The following ENAM variants were observed in gnomAD, a reference collection of about 807,000 sequenced individuals.
ENAM encodes the protein amelogenesis imperfecta 2, hypocalcification (autosomal dominant).
A neutral mutation model predicts 33.6 loss-of-function variants in ENAM; 21 were observed. The observed-to-expected ratio is 0.63, with a 90% CI of 0.44 to 0.90. ENAM has a LOEUF of 0.90. Among genes scored for constraint, ENAM ranks in the 40% least tolerant of loss-of-function variants. The pLI is 0.00. For synonymous variants in ENAM, 473 were observed against 468.4 expected (o/e 1.01, Z -0.13); for missense variants, 1,388 against 1,366.9 (o/e 1.02, Z -0.24).
rs1331534487 is a variant in ENAM at position 70,632,531 on chromosome 4, A to G, written c.169-120A>G. The G allele has an allele frequency of 5.0e-6, 4 of 802,396 alleles. No homozygotes were observed. In the East Asian group the frequency reaches 9.8e-5, roughly 20 times the overall value. 49.7% of individuals were successfully genotyped at this position (802,396 alleles called of 1,614,324 possible). ...TGACTGTTGTGCATTAAAATCAGAAATTTTTACACTGGGAAGTTCTAAGGT... is the reference window on the plus strand; with the variant it reads ...TGACTGTTGTGCATTAAAATCAGAAGTTTTTACACTGGGAAGTTCTAAGGT... On this transcript the variant is annotated intron_variant, in intron 4 of 8. Transcript: ENST00000396073.
At position 70,642,750 on chromosome 4, in the gene ENAM, G is replaced by A. The variant is rs189446150; in HGVS notation, c.1324G>A (p.Gly442Ser). ...KIQNPKEKPL[G>S]PKEQIIVPTK... ...CCAAAATCCAAAGGAGAAGCCCCTG[G>A]GTCCAAAAGAACAAATAATAGTTCC... The change falls in exon 9 of 9, where the codon GGT becomes AGT. Residue 442 changes from glycine to serine, a missense_variant. Transcript: ENST00000396073. 37 of 1,609,174 alleles carry A rather than the reference G, an allele frequency of 2.3e-5. No homozygotes were observed. In the Admixed American group the frequency reaches 5.3e-4, roughly 23 times the overall value.
chr4:70,643,264 C>T lies in ENAM; in HGVS notation c.1838C>T (p.Pro613Leu), dbSNP rs1336683072. 3 of 1,613,978 alleles carry T rather than the reference C, an allele frequency of 1.9e-6. No individual in the cohort carries two copies. The highest frequency in any genetic ancestry group is 1.3e-5 in the African/African-American group (1 of 75,012). The change falls in exon 9 of 9, where the codon CCA (proline) becomes CTA (leucine). Residue 613 changes from proline (P) to leucine (L), a missense_variant. Physicochemically the swap from Pro to Leu is moderately conservative, Grantham distance 98 (BLOSUM62 -3). Coordinates refer to ENST00000396073, the MANE Select transcript of ENAM (RefSeq NM_031889.3). ...CCATATGATCCCAGGGAAAACTCAC[C>T]ATACCTTAGAGGCAATACATGGGAT... is the stretch of plus-strand genomic sequence containing the variant. ...YNPYDPRENS[P>L]YLRGNTWDER...
chr4:70,634,233 G>C, intron 5 of ENAM, 75 bp from the exon 6 acceptor site: 1 of 1,459,122 alleles, frequency 6.9e-7, no homozygotes, highest in South Asian at 1.1e-5. Context: ...GAGTTTTAGA[G>C]GCTGACATTA....
chr4:70,631,370 A>C lies in ENAM; in HGVS notation c.55-300A>C, dbSNP rs12108539. ...AATTTTCACATTCTGGTGCTATGATATCTCTCTCTTTCTCTCTCTCTCTGT... is the reference window on the plus strand; with the variant it reads ...AATTTTCACATTCTGGTGCTATGATCTCTCTCTCTTTCTCTCTCTCTCTGT... On this transcript the variant is annotated intron_variant, in intron 2 of 8. Transcript: ENST00000396073. Among the ~76,000 whole-genome samples the C allele has an allele frequency of 0.081, 12,253 of 151,572 alleles. 812 individuals are homozygous for C. The highest frequency in any genetic ancestry group is 0.18 in the African/African-American group (7,501 of 41,340).
intron 8 of ENAM, among the ~76,000 whole-genome samples, chr4:70,641,809 G>C (rs1401924814): frequency 1.3e-5 from 2 of 152,094 alleles, no homozygotes; most frequent in Non-Finnish European, 1.5e-5. Flanking sequence ...CTGAGCAGTG[G>C]TCAGAAAAAA....
At chr4:70,639,447 G>C (rs534585912) in intron 8 of ENAM, among the ~76,000 whole-genome samples, 8 of 151,894 alleles carry the variant, frequency 5.3e-5, no homozygotes, top group Non-Finnish European at 1.2e-4. Context: ...AAAATTAGCC[G>C]GGTATGGTGG....
At chr4:70,631,985 T>C (rs1021919977) in intron 4 of ENAM, 92 bp downstream of exon 4, 2 of 1,104,108 alleles carry the variant, frequency 1.8e-6, no homozygotes, top group Admixed American at 3.4e-5. Flanking sequence ...GTCTCATATA[T>C]AATATTTCTT....
In ENAM at chr4:70,646,383, C is replaced by T. The variant is rs141963911; in HGVS notation, c.*1528C>T. 10 of 152,256 alleles carry T rather than the reference C, an allele frequency of 6.6e-5. No individual in the cohort carries two copies. In the East Asian group the frequency reaches 1.9e-3, roughly 29 times the overall value. The allele number at this position is 152,256 out of a possible 1,614,324, so 9.4% of individuals were successfully genotyped here. A position where few individuals can be genotyped will look rare whatever the true frequency, so the allele number is the denominator to read the frequency against. On this transcript the variant is annotated 3_prime_UTR_variant, in exon 9 of 9. Coordinates refer to ENST00000396073, the MANE Select transcript of ENAM (RefSeq NM_031889.3). ...ACATCTTCAGGGGCAGATTTCATAA[C>T]AACATCTCAAAAATTTGGGGAAACA... is the stretch of plus-strand genomic sequence containing the variant.
Position 70,629,467 on chromosome 4 carries a change from T to C in ENAM, c.-34T>C. ...TTCTTCTCAGGTTAAAGCTGTATTTTTCTTAAAGGCTTATAAAAATTTTGC... is the reference window on the plus strand; with the variant it reads ...TTCTTCTCAGGTTAAAGCTGTATTTCTCTTAAAGGCTTATAAAAATTTTGC... On this transcript the variant is annotated 5_prime_UTR_variant, in exon 2 of 9. Transcript: ENST00000396073. The C allele has an allele frequency of 6.4e-7, 1 of 1,565,552 alleles. No homozygotes were observed. The highest frequency in any genetic ancestry group is 1.1e-5 in the South Asian group (1 of 90,128).
At position 70,644,910 on chromosome 4, in the gene ENAM, A is replaced by G; in HGVS notation, c.*55A>G. On this transcript the variant is annotated 3_prime_UTR_variant, in exon 9 of 9. Transcript: ENST00000396073. ...AGAGAAATCACTGACATTCTATACC[A>G]ATGGTTCCCAAAATTTTTTCCCCAA... 1 of 1,496,162 alleles carries G rather than the reference A, an allele frequency of 6.7e-7. No individual in the cohort carries two copies. Among genetic ancestry groups the G allele is most frequent in the Non-Finnish European group, 9.3e-7 (1 of 1,075,268 alleles). The allele number at this position is 1,496,162 out of a possible 1,614,324, so 92.7% of individuals were successfully genotyped here.
Position 70,632,632 on chromosome 4 carries a change from T to G in ENAM, c.169-19T>G, listed in dbSNP as rs760692023. The G allele has an allele frequency of 6.4e-6, 10 of 1,560,812 alleles. No homozygotes were observed. The South Asian group carries it at 1.1e-4, about 17-fold the overall frequency. ...AAAGTTTCACTTTGTATCACATTAA[T>G]GGATTCCTTTGGTTGCAGATGATGC... On this transcript the variant is annotated intron_variant, in intron 4 of 8. Transcript: ENST00000396073.
chr4:70,644,094 C>G lies in ENAM; in HGVS notation c.2668C>G (p.Gln890Glu). ...TGPKDNPLAL[Q>E]DYTPSYGLAP... is the part of the protein sequence containing the mutation. The stretch of plus-strand genomic sequence containing the variant: ...GCCCAAGGACAATCCACTAGCTCTA[C>G]AAGACTACACTCCATCCTATGGTCT... The change falls in exon 9 of 9, where the codon CAA becomes GAA. Residue 890 changes from glutamine to glutamate, a missense_variant. Coordinates refer to ENST00000396073, the MANE Select transcript of ENAM (RefSeq NM_031889.3). 6.2e-7 allele frequency: 1 copy of G among 1,614,096 alleles called. No individual in the cohort carries two copies. Among genetic ancestry groups the G allele is most frequent in the Non-Finnish European group, 8.5e-7 (1 of 1,179,988 alleles).
In ENAM at chr4:70,634,309, TGG is replaced by T. The variant is rs1456006797; in HGVS notation, c.213_214del (p.Met71IlefsTer43). Reference sequence around the variant, plus strand: ...CACTATTATTTGCTACCCTTTCAGATGGCACACCTGGGGCCCTTCTTTGGAAA... The same window carrying T: ...CACTATTATTTGCTACCCTTTCAGATCACACCTGGGGCCCTTCTTTGGAAA... On this transcript the variant is annotated frameshift_variant and splice_region_variant, in exon 6 of 9. Coordinates refer to ENST00000396073, the MANE Select transcript of ENAM (RefSeq NM_031889.3). LOFTEE classifies it high-confidence loss of function. The T allele has an allele frequency of 1.9e-6, 3 of 1,613,922 alleles. No individual in the cohort carries two copies. Among genetic ancestry groups the T allele is most frequent in the Non-Finnish European group, 2.5e-6 (3 of 1,179,930 alleles).
At chr4:70,640,309 C>A (rs1257131370) in intron 8 of ENAM, among the ~76,000 whole-genome samples, 2 of 152,126 alleles carry the variant, frequency 1.3e-5, no homozygotes, top group East Asian at 3.9e-4. Context: ...GGAATAGGAC[C>A]TAATTCTGCC....
At position 70,631,745 on chromosome 4, in the gene ENAM, A is replaced by G. The variant is rs1450803916; in HGVS notation, c.123+7A>G. 1 of 1,612,246 alleles carries G rather than the reference A, an allele frequency of 6.2e-7. No individual in the cohort carries two copies. The highest frequency in any genetic ancestry group is 8.5e-7 in the Non-Finnish European group (1 of 1,178,426). On this transcript the variant is annotated splice_region_variant and intron_variant, in intron 3 of 8. Coordinates refer to ENST00000396073, the MANE Select transcript of ENAM (RefSeq NM_031889.3). ...TAATTCTGTTGCTATGCCAGTGAGTATTTTTTAAATGTTAGCTCTTCTCTT... is the reference window on the plus strand; with the variant it reads ...TAATTCTGTTGCTATGCCAGTGAGTGTTTTTTAAATGTTAGCTCTTCTCTT...
In ENAM at chr4:70,642,871, T is replaced by C. The variant is rs1395104794; in HGVS notation, c.1445T>C (p.Val482Ala). The change falls in exon 9 of 9, where the codon GTC becomes GCC. Residue 482 changes from valine to alanine, a missense_variant. Transcript: ENST00000396073. ...CCTCACTCTGAGGGTTATATGCCAGTCCCAAATTTTAATTCTGTTGATCAA... is the reference window on the plus strand; with the variant it reads ...CCTCACTCTGAGGGTTATATGCCAGCCCCAAATTTTAATTCTGTTGATCAA... The part of the protein sequence containing the change: ...KLPHSEGYMP[V>A]PNFNSVDQHE... 6.2e-7 allele frequency: 1 copy of C among 1,613,722 alleles called. No homozygotes were observed. The highest frequency in any genetic ancestry group is 1.7e-5 in the Admixed American group (1 of 59,984).
chr4:70,640,321 A>ATGGAAGTCAAGACACAGAAGG (rs1311130327), intron 8 of ENAM, among the ~76,000 whole-genome samples: 2 of 152,242 alleles, frequency 1.3e-5, no homozygotes, highest in Non-Finnish European at 2.9e-5. Flanking sequence ...AATTCTGCCC[A>ATGGAAGTCAAGACACAGAAGG]TGGAAGTCAA....
chr4:70,641,640 G>A (rs936031279), intron 8 of ENAM, among the ~76,000 whole-genome samples: 6 of 151,950 alleles, frequency 3.9e-5, no homozygotes, highest in Admixed American at 1.3e-4. Flanking sequence ...CACCTGTCTC[G>A]GCCTCCAAAA....
At chr4:70,635,151 T>C (rs1481004740) in intron 6 of ENAM, among the ~76,000 whole-genome samples, 1 of 152,116 alleles carries the variant, frequency 6.6e-6, no homozygotes, top group Admixed American at 6.5e-5. Context: ...CCAAGGTAGG[T>C]GGATCACCTG....
Sources: allele counts gnomAD v4.1 joint callset (sites outside exome capture counted in the v4.1 genomes callset), GRCh38; gene constraint gnomAD v4.1.1; transcripts MANE v1.5; gene names NCBI Gene and HGNC (gene_info 2026-07-23, HGNC 2026-07-21).